CHST11: variants seen among roughly 807,000 people sequenced by gnomAD.
The protein encoded by CHST11 is carbohydrate sulfotransferase 11, also known as C4S-1.
Under a neutral mutation model 30.4 loss-of-function variants are expected in CHST11, and 9 were observed. That is an observed-to-expected ratio of 0.30 (90% CI 0.18 to 0.52). CHST11 has a LOEUF of 0.52. CHST11 is among the 20% of genes least tolerant of loss of function. CHST11 has a pLI of 0.97. For synonymous variants in CHST11, 152 were observed against 187.8 expected, an observed-to-expected ratio of 0.81 and a Z score of 1.56; for missense variants, 348 against 460.6, an observed-to-expected ratio of 0.76 and a Z score of 2.24.
intron 2 of CHST11, among the ~76,000 whole-genome samples, chr12:104,664,003 C>T (rs1370543178): frequency 6.6e-6 from 1 of 152,178 alleles, no homozygotes; most frequent in African/African-American, 2.4e-5. Flanking sequence ...CCAGAACTTC[C>T]ATCTGCCCTG....
At chr12:104,630,186 T>A (rs2039257454) in intron 2 of CHST11, among the ~76,000 whole-genome samples, 1 of 151,994 alleles carries the variant, frequency 6.6e-6, no homozygotes, top group Non-Finnish European at 1.5e-5. Context: ...CATCCCCAGG[T>A]CCTGTCCACA....
chr12:104,616,103 C>T (rs1161004398), intron 2 of CHST11, among the ~76,000 whole-genome samples: 1 of 152,098 alleles, frequency 6.6e-6, no homozygotes, highest in Admixed American at 6.6e-5. Flanking sequence ...AGCAAATGGT[C>T]CCTGGGAGCA....
At chr12:104,630,655 G>C (rs926026569) in intron 2 of CHST11, among the ~76,000 whole-genome samples, 55 of 152,226 alleles carry the variant, frequency 3.6e-4, no homozygotes, top group Non-Finnish European at 2.1e-4. Flanking sequence ...GTGGAAAGCT[G>C]TATCAAGTTA....
At chr12:104,670,557 A>G (rs1033283557) in intron 2 of CHST11, among the ~76,000 whole-genome samples, 1 of 151,536 alleles carries the variant, frequency 6.6e-6, no homozygotes, top group African/African-American at 2.4e-5. Context: ...ACACTCCCAC[A>G]CATACACACC....
chr12:104,470,052 T>G (rs1215006285), intron 1 of CHST11, among the ~76,000 whole-genome samples: 4 of 152,236 alleles, frequency 2.6e-5, no homozygotes, highest in Non-Finnish European at 5.9e-5. Flanking sequence ...GGAGACATTT[T>G]GGGTTGTCAT....
chr12:104,646,333 T>C (rs1002614135), intron 2 of CHST11, among the ~76,000 whole-genome samples: 2 of 152,320 alleles, frequency 1.3e-5, no homozygotes, highest in Admixed American at 1.3e-4. Context: ...CTACTTAGTC[T>C]TCAGACCTTG....
chr12:104,668,804 A>G (rs835492), intron 2 of CHST11, among the ~76,000 whole-genome samples: 67,481 of 152,008 alleles, frequency 0.44, 15,976 homozygotes, highest in African/African-American at 0.62. Context: ...AGCCCTCAGC[A>G]AACTGTTCTC....
chr12:104,706,333 G>A (rs1036102665), intron 2 of CHST11, among the ~76,000 whole-genome samples: 15 of 151,396 alleles, frequency 9.9e-5, no homozygotes, highest in East Asian at 3.9e-4. Flanking sequence ...GCAGTGAGCC[G>A]AGATTGCACC....
Position 104,535,619 on chromosome 12 carries a change from G to T in CHST11, c.119-66287G>T, listed in dbSNP as rs571248067. Among the ~76,000 whole-genome samples, 6 of 152,286 alleles carry T rather than the reference G, an allele frequency of 3.9e-5. No individual in the cohort carries two copies. The South Asian group carries it at 1.2e-3, about 32-fold the overall frequency. The stretch of plus-strand genomic sequence containing the variant: ...TATCTTCTCCTCTCCCATTGCCAGG[G>T]TGGCTCAGTGTCTGCTAAAATTGAA... On this transcript the variant is annotated intron_variant, in intron 1 of 2. Coordinates refer to ENST00000303694, the MANE Select transcript of CHST11 (RefSeq NM_018413.6).
chr12:104,458,827 C>T lies in CHST11; in HGVS notation c.118+1298C>T, dbSNP rs918867079. On this transcript the variant is annotated intron_variant, in intron 1 of 2. Coordinates refer to ENST00000303694, the MANE Select transcript of CHST11 (RefSeq NM_018413.6). This position sits in a 1 kb window ranked among gnomAD's most constrained non-coding sequence, Gnocchi z 5.7. ...TTTTCATTTTTGCCTCCCGCCTTCT[C>T]CTTTCACTGTGTATCTAACACTTTA... Among the ~76,000 whole-genome samples, 1 of 152,236 alleles carries T rather than the reference C, an allele frequency of 6.6e-6. No homozygotes were observed. The highest frequency in any genetic ancestry group is 2.4e-5 in the African/African-American group (1 of 41,454).
At chr12:104,518,677 G>A (rs943184796) in intron 1 of CHST11, among the ~76,000 whole-genome samples, 3 of 152,192 alleles carry the variant, frequency 2.0e-5, no homozygotes, top group Non-Finnish European at 4.4e-5. Flanking sequence ...TAATGAGACA[G>A]GATTTGAGTG....
intron 1 of CHST11, among the ~76,000 whole-genome samples, chr12:104,501,617 T>G (rs571119674): frequency 9.2e-5 from 14 of 152,324 alleles, no homozygotes; most frequent in Admixed American, 6.5e-4. Context: ...CCTTGGCATT[T>G]GTGATTATTA....
chr12:104,694,108 C>G (rs1248827835), intron 2 of CHST11, among the ~76,000 whole-genome samples: 5 of 152,154 alleles, frequency 3.3e-5, no homozygotes, highest in Admixed American at 3.3e-4. Context: ...GTGGTCTTAC[C>G]CAGCTTTATG....
chr12:104,555,528 C>A (rs1253985786), intron 1 of CHST11, among the ~76,000 whole-genome samples: 1 of 152,214 alleles, frequency 6.6e-6, no homozygotes, highest in African/African-American at 2.4e-5. Context: ...ATAGAAGACA[C>A]TGTTCTGTGT....
intron 2 of CHST11, among the ~76,000 whole-genome samples, chr12:104,626,594 A>C (rs914042041): frequency 6.6e-6 from 1 of 152,128 alleles, no homozygotes; most frequent in South Asian, 2.1e-4. Context: ...AAAAAAAAAA[A>C]AAACATGGTC....
intron 1 of CHST11, among the ~76,000 whole-genome samples, chr12:104,551,085 G>A (rs1461540070): frequency 3.3e-5 from 5 of 152,142 alleles, no homozygotes. Context: ...TTTCAAAGGC[G>A]ACCTACTCTG....
At chr12:104,686,440 G>C (rs1342709507) in intron 2 of CHST11, among the ~76,000 whole-genome samples, 1 of 152,096 alleles carries the variant, frequency 6.6e-6, no homozygotes, top group African/African-American at 2.4e-5. Context: ...GTTGATGATT[G>C]CTGGAATAAA....
At chr12:104,713,252 G>A (rs2040102397) in intron 2 of CHST11, among the ~76,000 whole-genome samples, 1 of 152,120 alleles carries the variant, frequency 6.6e-6, no homozygotes, top group African/African-American at 2.4e-5. Context: ...ATTCAAGGAT[G>A]TGGCTGGACT....
At chr12:104,579,066 G>C (rs7976087) in intron 1 of CHST11, among the ~76,000 whole-genome samples, 50,428 of 152,068 alleles carry the variant, frequency 0.33, 8,712 homozygotes, top group East Asian at 0.47. Flanking sequence ...TTATCAAAGG[G>C]CTTGGTTACA....
Sources: allele counts gnomAD v4.1 joint callset (sites outside exome capture counted in the v4.1 genomes callset), GRCh38; gene constraint gnomAD v4.1.1; non-coding constraint Gnocchi (gnomAD v3.1); transcripts MANE v1.5; gene names NCBI Gene and HGNC (gene_info 2026-07-23, HGNC 2026-07-21).